Variants in MAST2 observed in about 807,000 individuals in gnomAD.
MAST2 encodes the protein microtubule associated serine/threonine kinase 2.
A neutral mutation model predicts 147.4 loss-of-function variants in MAST2; 70 were observed. The observed-to-expected ratio is 0.47, with a 90% CI of 0.39 to 0.58. MAST2 has a LOEUF of 0.58. MAST2 is among the 20% of genes least tolerant of loss of function. MAST2 has a pLI of 0.00. For missense variants in MAST2, 2,080 were observed against 2,302.3 expected, an observed-to-expected ratio of 0.90 and a Z score of 1.98; for synonymous variants, 869 against 896.8, an observed-to-expected ratio of 0.97 and a Z score of 0.55.
Position 46,034,068 on chromosome 1 carries a change from C to G in MAST2, c.3675-5C>G. ...CGACTCAGCCTTTGACCCTTATCCC[C>G]GCAGCAGAAAAAGGAGCTCCCTGTT... is the stretch of plus-strand genomic sequence containing the variant. On this transcript the variant is annotated splice_polypyrimidine_tract_variant and splice_region_variant and intron_variant, in intron 27 of 28. Transcript: ENST00000361297. The G allele has an allele frequency of 6.2e-7, 1 of 1,611,962 alleles. No homozygotes were observed. Among genetic ancestry groups the G allele is most frequent in the Non-Finnish European group, 8.5e-7 (1 of 1,178,874 alleles).
rs1644365249 is a variant in MAST2, at chr1:45,813,524, G to C, written c.177+9452G>C. ...TTTTTTTTTTTTTTTTTGAGACGAAGTTTTGCTCTTGTCCCCCAGTCTGGA... is the reference window on the plus strand; with the variant it reads ...TTTTTTTTTTTTTTTTTGAGACGAACTTTTGCTCTTGTCCCCCAGTCTGGA... On this transcript the variant is annotated intron_variant, in intron 1 of 28. Coordinates refer to ENST00000361297, the MANE Select transcript of MAST2 (RefSeq NM_015112.3). Among the ~76,000 whole-genome samples the C allele has an allele frequency of 3.7e-5, 5 of 135,512 alleles. No individual in the cohort carries two copies. The South Asian group carries it at 1.2e-3, about 31-fold the overall frequency. 88.9% of individuals were successfully genotyped at this position (135,512 alleles called of 152,430 possible).
At chr1:45,864,716 C>CT (rs1318314449) in intron 3 of MAST2, among the ~76,000 whole-genome samples, 2 of 152,144 alleles carry the variant, frequency 1.3e-5, no homozygotes, top group Non-Finnish European at 2.9e-5. Flanking sequence ...GGTGGAGACT[C>CT]TTGTTTTGTT....
intron 3 of MAST2, among the ~76,000 whole-genome samples, chr1:45,850,030 A>G (rs903248294): frequency 2.0e-5 from 3 of 152,186 alleles, no homozygotes; most frequent in African/African-American, 4.8e-5. Context: ...TCTCCCAACT[A>G]CTTTCCAGAG....
chr1:46,016,790 C>T (rs1228363569), intron 10 of MAST2, among the ~76,000 whole-genome samples: 1 of 152,170 alleles, frequency 6.6e-6, no homozygotes, highest in Non-Finnish European at 1.5e-5. Context: ...CATCAAGCTA[C>T]CAATGACTTT....
intron 5 of MAST2, among the ~76,000 whole-genome samples, chr1:45,986,820 A>C (rs879617227): frequency 6.6e-5 from 10 of 152,212 alleles, no homozygotes; most frequent in South Asian, 2.1e-4. Context: ...TATATTCATA[A>C]GGAATATTAG....
At chr1:45,853,606 G>A (rs1046812844) in intron 3 of MAST2, among the ~76,000 whole-genome samples, 5 of 151,954 alleles carry the variant, frequency 3.3e-5, no homozygotes, top group Non-Finnish European at 7.4e-5. Flanking sequence ...CACCCACCCC[G>A]GCCTCCCAAA....
intron 2 of MAST2, among the ~76,000 whole-genome samples, chr1:45,828,017 G>GA (rs1162316705): frequency 6.6e-6 from 1 of 151,772 alleles, no homozygotes; most frequent in Non-Finnish European, 1.5e-5. Context: ...TTTTCTTGGA[G>GA]ATGAGGTCTT....
chr1:45,844,076 C>CAA (rs2147931189), intron 3 of MAST2, among the ~76,000 whole-genome samples: 1 of 152,098 alleles, frequency 6.6e-6, no homozygotes, highest in South Asian at 2.1e-4. Flanking sequence ...ATTTGTCTTA[C>CAA]AAAAATTATA....
Position 45,803,659 on chromosome 1 carries a change from T to G in MAST2, c.-237T>G. The G allele has an allele frequency of 3.5e-6, 1 of 288,440 alleles. No individual in the cohort carries two copies. 17.9% of individuals were successfully genotyped at this position (288,440 alleles called of 1,614,324 possible). On this transcript the variant is annotated 5_prime_UTR_variant, in exon 1 of 29. Coordinates refer to ENST00000361297, the MANE Select transcript of MAST2 (RefSeq NM_015112.3). ...GGCGGGTGGCCTGCCCAACGTGTGC[T>G]GGGTGGGAGAAGGCGAGGCGTCAGC...
At chr1:45,856,231 G>T (rs997789028) in intron 3 of MAST2, among the ~76,000 whole-genome samples, 4 of 152,124 alleles carry the variant, frequency 2.6e-5, no homozygotes, top group Non-Finnish European at 5.9e-5. Flanking sequence ...AGGCTGAGGT[G>T]GGGGGATTGC....
intron 3 of MAST2, among the ~76,000 whole-genome samples, chr1:45,857,850 G>GTTTTTTTTTTTTTTTTTTTTTT (rs35371770): frequency 6.0e-5 from 4 of 66,572 alleles, no homozygotes; most frequent in Non-Finnish European, 8.2e-5. Context: ...AACATGCGGT[G>GTTTTTTTTTTTTTTTTTTTTTT]TTTTTTTTTT....
intron 2 of MAST2, among the ~76,000 whole-genome samples, chr1:45,827,938 C>T (rs573348097): frequency 7.9e-5 from 12 of 152,138 alleles, no homozygotes; most frequent in Admixed American, 3.9e-4. Flanking sequence ...TGATCCTCCC[C>T]GCTTCTCCTC....
At chr1:45,987,775 T>TG (rs1644692633) in intron 5 of MAST2, among the ~76,000 whole-genome samples, 3 of 85,722 alleles carry the variant, frequency 3.5e-5, no homozygotes, top group South Asian at 3.8e-4. Flanking sequence ...TTTTTTTTTT[T>TG]GATTTTTTTT....
chr1:45,972,497 T>C (rs1303596499), intron 5 of MAST2, among the ~76,000 whole-genome samples: 1 of 152,240 alleles, frequency 6.6e-6, no homozygotes, highest in Non-Finnish European at 1.5e-5. Flanking sequence ...AATTGGGTAG[T>C]CTTGGAGAGG....
chr1:45,865,636 TCTACCTAC>T (rs765910504), intron 3 of MAST2, among the ~76,000 whole-genome samples: 4 of 152,168 alleles, frequency 2.6e-5, no homozygotes. Flanking sequence ...CGTCTGTCTG[TCTACCTAC>T]CTACCTACCT....
intron 4 of MAST2, among the ~76,000 whole-genome samples, chr1:45,956,789 AT>A (rs1389265488): frequency 6.6e-5 from 10 of 152,184 alleles, no homozygotes; most frequent in African/African-American, 2.4e-4. Context: ...TTATTTGGAA[AT>A]TTTTGGTGAC....
chr1:46,031,351 CAG>C lies in MAST2; in HGVS notation c.2993-39_2993-38del. On this transcript the variant is annotated intron_variant, in intron 23 of 28. Transcript: ENST00000361297. This position sits in a 1 kb window ranked among gnomAD's most constrained non-coding sequence, Gnocchi z 4.1. ...GAGGATACTGCAGGGCAGGGAGGCTCAGCGGCATCGCGGGTCTCACTGCTTAC... is the reference window on the plus strand; with the variant it reads ...GAGGATACTGCAGGGCAGGGAGGCTCCGGCATCGCGGGTCTCACTGCTTAC... 3 of 1,582,188 alleles carry C rather than the reference CAG, an allele frequency of 1.9e-6. No homozygotes were observed. Among genetic ancestry groups the C allele is most frequent in the Non-Finnish European group, 2.6e-6 (3 of 1,160,572 alleles).
In MAST2 at chr1:46,027,583, A is replaced by T. The variant is rs537454162; in HGVS notation, c.1920-148A>T. ...CAGCCAGAGCGATTTACGTGTCCAC[A>T]CCTGCCTGTCCCCCCAGCTGAAGCT... On this transcript the variant is annotated intron_variant, in intron 16 of 28. Coordinates refer to ENST00000361297, the MANE Select transcript of MAST2 (RefSeq NM_015112.3). 376 of 782,302 alleles carry T rather than the reference A, an allele frequency of 4.8e-4. 1 individual carries two copies. The highest frequency in any genetic ancestry group is 6.8e-4 in the Non-Finnish European group (338 of 493,456). The allele number at this position is 782,302 out of a possible 1,614,324, so 48.5% of individuals were successfully genotyped here.
chr1:46,032,788 G>C, intron 26 of MAST2, 70 bp downstream of exon 26: 1 of 1,568,176 alleles, frequency 6.4e-7, no homozygotes, highest in Non-Finnish European at 8.7e-7. Context: ...ATGGCAGTTA[G>C]GGGAGTGGGT....
Sources: gnomAD v4.1 joint callset for allele counts (sites outside exome capture counted in the v4.1 genomes callset) on GRCh38, gnomAD v4.1.1 for gene constraint, Gnocchi (gnomAD v3.1) non-coding constraint, MANE v1.5 for transcripts, NCBI Gene and HGNC (gene_info 2026-07-23, HGNC 2026-07-21) for gene names.